The following TMPRSS13 variants were observed in gnomAD, a reference collection of about 807,000 sequenced individuals.
TMPRSS13 encodes the protein transmembrane protease serine 13.
In TMPRSS13, 50 loss-of-function variants were observed where a neutral mutation model predicts 68.4. That is an observed-to-expected ratio of 0.73 (90% CI 0.58 to 0.93). TMPRSS13 has a LOEUF of 0.93. Ranked by LOEUF, TMPRSS13 falls within the 40% of genes least tolerant of loss-of-function variation. The pLI is 0.00. For synonymous variants in TMPRSS13, 267 were observed against 285.8 expected (o/e 0.93, Z 0.66); for missense variants, 615 against 729.2 (o/e 0.84, Z 1.80).
In TMPRSS13 at chr11:117,925,858, A is replaced by G. The variant is rs2057700285; in HGVS notation, c.21+3429T>C. 1.3e-5 allele frequency among the ~76,000 whole-genome samples: 2 copies of G among 152,248 alleles called. 1 individual carries two copies. Among genetic ancestry groups the G allele is most frequent in the South Asian group, 4.1e-4 (2 of 4,834 alleles). On this transcript the variant is annotated intron_variant, in intron 1 of 12. Coordinates refer to ENST00000524993, the MANE Select transcript of TMPRSS13 (RefSeq NM_001077263.3). ...AGCTCCCCAGCCCAGGGCCCAATAC[A>G]CACACTCCCGCACGCTTACGCTCAC... is the stretch of plus-strand genomic sequence containing the variant.
In TMPRSS13 at chr11:117,904,861, T is replaced by TTATATATATATATATATATATATA. The variant is rs58001868; in HGVS notation, c.1381+753_1382-761dup. Among the ~76,000 whole-genome samples the TTATATATATATATATATATATATA allele has an allele frequency of 7.0e-5, 7 of 100,672 alleles. 1 individual carries two copies. Among genetic ancestry groups the TTATATATATATATATATATATATA allele is most frequent in the Non-Finnish European group, 1.3e-4 (6 of 45,408 alleles). 66.0% of individuals were successfully genotyped at this position (100,672 alleles called of 152,430 possible). A position where few individuals can be genotyped will look rare whatever the true frequency, so the allele number is the denominator to read the frequency against. On this transcript the variant is annotated intron_variant, in intron 10 of 12. Transcript: ENST00000524993. ...TACCACTTAGAGCTCCTAGATAAGA[T>TTATATATATATATATATATATATA]TATATATATATATATATATATATAT...
rs939844340 is a variant in TMPRSS13 at position 117,903,442 on chromosome 11, C to A, written c.1677+213G>T. ...GCCTGTAGGTCCACCCTTTTTCAAC[C>A]CGCTGAGCTCTGTTCTGAGGGAAGA... On this transcript the variant is annotated intron_variant, in intron 12 of 12. Coordinates refer to ENST00000524993, the MANE Select transcript of TMPRSS13 (RefSeq NM_001077263.3). 11 of 1,536,604 alleles carry A rather than the reference C, an allele frequency of 7.2e-6. No individual in the cohort carries two copies. In the African/African-American group the frequency reaches 1.4e-4, roughly 19 times the overall value.
chr11:117,925,318 C>T (rs115951346), intron 1 of TMPRSS13, among the ~76,000 whole-genome samples: 40 of 152,320 alleles, frequency 2.6e-4, no homozygotes, highest in African/African-American at 6.7e-4. Context: ...TTCTAGTTTC[C>T]GATGCCTCCT....
At chr11:117,927,123 C>T (rs1320646141) in intron 1 of TMPRSS13, among the ~76,000 whole-genome samples, 1 of 152,140 alleles carries the variant, frequency 6.6e-6, no homozygotes, top group Non-Finnish European at 1.5e-5. Flanking sequence ...CAAAGGCAGC[C>T]AACTGTTCAA....
Position 117,908,746 on chromosome 11 carries a change from G to A in TMPRSS13, c.1148C>T (p.Ala383Val), listed in dbSNP as rs369145322. 6.8e-6 allele frequency: 11 copies of A among 1,609,488 alleles called. No individual in the cohort carries two copies. The highest frequency in any genetic ancestry group is 3.4e-5 in the South Asian group (3 of 89,416). The change falls in exon 9 of 13, where the codon GCG becomes GTG. Residue 383 changes from alanine (A) to valine (V), a missense_variant. Coordinates refer to ENST00000524993, the MANE Select transcript of TMPRSS13 (RefSeq NM_001077263.3). ...CAACTGGTGCAGGTTGCTGGTGCCC[G>A]CGTACACCTTCCAGCCCTCCAGGAC... ...EKVLEGWKVYAGTSNLHQLPE... is the reference protein window; with the variant it reads ...EKVLEGWKVYVGTSNLHQLPE...
Position 117,914,653 on chromosome 11 carries a change from T to C in TMPRSS13, c.557-139A>G. 1.4e-6 allele frequency: 2 copies of C among 1,463,198 alleles called. No individual in the cohort carries two copies. Among genetic ancestry groups the C allele is most frequent in the South Asian group, 1.3e-5 (1 of 75,494 alleles). 90.6% of individuals were successfully genotyped at this position (1,463,198 alleles called of 1,614,324 possible). A position where few individuals can be genotyped will look rare whatever the true frequency, so the allele number is the denominator to read the frequency against. Reference sequence around the variant, plus strand: ...CTGGGGCTCTCATCCCCCATCTGTATGGAGAGAAAGGCTGCTCAGGAATGC... The same window carrying C: ...CTGGGGCTCTCATCCCCCATCTGTACGGAGAGAAAGGCTGCTCAGGAATGC... On this transcript the variant is annotated intron_variant, in intron 3 of 12. Coordinates refer to ENST00000524993, the MANE Select transcript of TMPRSS13 (RefSeq NM_001077263.3). The surrounding 1 kb of genome is among the most constrained non-coding windows in gnomAD (Gnocchi z 4.2).
At chr11:117,912,027 C>T (rs1398817945) in intron 5 of TMPRSS13, among the ~76,000 whole-genome samples, 167 bp from the exon 6 acceptor site, 3 of 152,102 alleles carry the variant, frequency 2.0e-5, no homozygotes, top group Admixed American at 1.3e-4. Context: ...AAAGTGCAGC[C>T]CCACCCACAT....
In TMPRSS13 at chr11:117,902,088, A is replaced by G. The variant is rs1253358246; in HGVS notation, c.*151T>C. The G allele has an allele frequency of 3.3e-5, 27 of 812,818 alleles. No individual in the cohort carries two copies. The highest frequency in any genetic ancestry group is 2.7e-4 in the Admixed American group (13 of 48,838). 50.4% of individuals were successfully genotyped at this position (812,818 alleles called of 1,614,324 possible). A position where few individuals can be genotyped will look rare whatever the true frequency, so the allele number is the denominator to read the frequency against. On this transcript the variant is annotated 3_prime_UTR_variant, in exon 13 of 13. Transcript: ENST00000524993. ...CACACATATGCACACACACACACAC[A>G]CACACACACACACACAGAGGCAGCA...
chr11:117,902,535 C>T (rs965455501), intron 12 of TMPRSS13, among the ~76,000 whole-genome samples: 4 of 152,226 alleles, frequency 2.6e-5, no homozygotes, highest in Non-Finnish European at 5.9e-5. Context: ...CCCTGCTTTA[C>T]AGCTAAAGGC....
intron 1 of TMPRSS13, among the ~76,000 whole-genome samples, chr11:117,925,150 G>A (rs1434437622): frequency 1.3e-5 from 2 of 152,210 alleles, no homozygotes; most frequent in African/African-American, 2.4e-5. Flanking sequence ...ACCAGCTGGT[G>A]GGGACTGTGG....
intron 1 of TMPRSS13, among the ~76,000 whole-genome samples, chr11:117,928,861 G>C (rs2057732352): frequency 6.6e-6 from 1 of 152,182 alleles, no homozygotes; most frequent in South Asian, 2.1e-4. Context: ...AGTGTAGTGA[G>C]GGGTTTAGAC....
chr11:117,909,894 C>T lies in TMPRSS13; in HGVS notation c.1021G>A (p.Val341Met). The change falls in exon 8 of 13, where the codon GTG (valine) becomes ATG (methionine). Residue 341 changes from valine to methionine, a missense_variant. By Grantham distance (21) the Val-to-Met change is conservative. Transcript: ENST00000524993. ...TGGGTGGTGCCGAAGTGCAGACTCA[C>T]TTGCCAAGGCCACTTGCTATCCGAG... ...LASDSKWPWQ[V>M]SLHFGTTHIC... 6.2e-7 allele frequency: 1 copy of T among 1,614,206 alleles called. No individual in the cohort carries two copies. The highest frequency in any genetic ancestry group is 1.1e-5 in the South Asian group (1 of 91,088).
chr11:117,921,603 A>G (rs2057649403), intron 1 of TMPRSS13, among the ~76,000 whole-genome samples: 1 of 152,224 alleles, frequency 6.6e-6, no homozygotes, highest in South Asian at 2.1e-4. Flanking sequence ...GTCAGACCAG[A>G]CAGGGAACTG....
chr11:117,908,920 A>C (rs1591619270), intron 8 of TMPRSS13, 136 bp from the exon 9 acceptor site: 1 of 824,810 alleles, frequency 1.2e-6, no homozygotes. Flanking sequence ...TCTGGAGGGA[A>C]CCCTCTATCT....
intron 1 of TMPRSS13, among the ~76,000 whole-genome samples, chr11:117,923,838 T>TTA (rs56359328): frequency 7.8e-6 from 1 of 128,138 alleles, no homozygotes; most frequent in African/African-American, 2.8e-5. Context: ...GTATAATAAT[T>TTA]AAAAAAAAAA....
At chr11:117,925,558 C>T (rs2057697259) in intron 1 of TMPRSS13, among the ~76,000 whole-genome samples, 1 of 151,994 alleles carries the variant, frequency 6.6e-6, no homozygotes, top group Non-Finnish European at 1.5e-5. Context: ...TAGTGACACA[C>T]TCAGGGCTGG....
rs1283443313 is a variant in TMPRSS13, at chr11:117,915,924, G to A, written c.556+1246C>T. On this transcript the variant is annotated intron_variant, in intron 3 of 12. Coordinates refer to ENST00000524993, the MANE Select transcript of TMPRSS13 (RefSeq NM_001077263.3). The surrounding 1 kb of genome is among the most constrained non-coding windows in gnomAD (Gnocchi z 4.9). Reference sequence around the variant, plus strand: ...AGGCCTTTATGTGCATTATGACAAAGACCACCCCACCCAGTCAGACTGGTG... The same window carrying A: ...AGGCCTTTATGTGCATTATGACAAAAACCACCCCACCCAGTCAGACTGGTG... 1.3e-5 allele frequency among the ~76,000 whole-genome samples: 2 copies of A among 152,146 alleles called. No individual in the cohort carries two copies. Among genetic ancestry groups the A allele is most frequent in the East Asian group, 3.9e-4 (2 of 5,182 alleles).
At chr11:117,910,857 T>G in intron 6 of TMPRSS13, 107 bp from the exon 7 acceptor site, 1 of 984,458 alleles carries the variant, frequency 1.0e-6, no homozygotes, top group Non-Finnish European at 1.5e-6. Context: ...CCAAGGAAGC[T>G]ACCCTTTGTA....
At chr11:117,926,795 T>C (rs1391983891) in intron 1 of TMPRSS13, among the ~76,000 whole-genome samples, 1 of 152,130 alleles carries the variant, frequency 6.6e-6, no homozygotes, top group East Asian at 1.9e-4. Flanking sequence ...GAAGAAGATG[T>C]TTGTCCAAAT....
Sources: gnomAD v4.1 joint callset for allele counts (sites outside exome capture counted in the v4.1 genomes callset) on GRCh38, gnomAD v4.1.1 for gene constraint, Gnocchi (gnomAD v3.1) non-coding constraint, MANE v1.5 for transcripts, NCBI Gene and HGNC (gene_info 2026-07-23, HGNC 2026-07-21) for gene names.